Variants in XYLB observed in about 807,000 individuals in gnomAD.
XYLB encodes the protein xylulose kinase.
Under a neutral mutation model 78.7 loss-of-function variants are expected in XYLB, and 62 were observed. The ratio of observed to expected loss-of-function variants is 0.79; its 90% CI spans 0.64 to 0.97. The LOEUF (loss-of-function observed/expected upper bound fraction) is 0.97, where lower values mean the gene tolerates loss of function less well. Ranked by LOEUF, XYLB falls within the 50% of genes least tolerant of loss-of-function variation. The probability of loss-of-function intolerance (pLI) is 0.00; values close to 1 mark genes in which losing one functional copy is unlikely to be tolerated. For missense variants in XYLB, 687 were observed against 676.8 expected (o/e 1.02, Z -0.17); for synonymous variants, 245 against 247.4 (o/e 0.99, Z 0.09).
At chr3:38,408,163 A>T (rs1708412398) in intron 18 of XYLB, among the ~76,000 whole-genome samples, 1 of 151,788 alleles carries the variant, frequency 6.6e-6, no homozygotes, top group Admixed American at 6.6e-5. Context: ...ACGTAAAAGA[A>T]CAGAAATTAT....
chr3:38,374,446 C>A lies in XYLB; in HGVS notation c.848-16C>A. The A allele has an allele frequency of 6.2e-7, 1 of 1,614,038 alleles. No homozygotes were observed. The highest frequency in any genetic ancestry group is 1.6e-4 in the Middle Eastern group (1 of 6,062). On this transcript the variant is annotated splice_polypyrimidine_tract_variant and intron_variant, in intron 10 of 18. Transcript: ENST00000207870. ...TGTGGCCGCCAGCTAACCAGAAGCT[C>A]CCCTCCCATTCTCAGCGTCGCTGGC...
At chr3:38,398,852 G>A (rs1247942787) in intron 17 of XYLB, among the ~76,000 whole-genome samples, 6 of 149,476 alleles carry the variant, frequency 4.0e-5, no homozygotes, top group East Asian at 4.0e-4. Context: ...GTGAAACCCC[G>A]TCTCTACTAA....
chr3:38,360,611 A>G (rs1705915406), intron 3 of XYLB, among the ~76,000 whole-genome samples: 1 of 152,246 alleles, frequency 6.6e-6, no homozygotes, highest in Non-Finnish European at 1.5e-5. Flanking sequence ...GAGGACTTAC[A>G]AAAAACTTCC....
chr3:38,348,548 AG>A lies in XYLB; in HGVS notation c.58del, dbSNP rs1287098414. On this transcript the variant is annotated splice_acceptor_variant, in intron 1 of 18. Coordinates refer to ENST00000207870, the MANE Select transcript of XYLB (RefSeq NM_005108.4). LOFTEE classifies it high-confidence loss of function. ...CACTTCCTTTTTTAAAATGCCTTTC[AG>A]GTAAAGGTTGTTGCTGTTGATGCAG... 1 of 1,613,928 alleles carries A rather than the reference AG, an allele frequency of 6.2e-7. No homozygotes were observed. The highest frequency in any genetic ancestry group is 8.5e-7 in the Non-Finnish European group (1 of 1,179,938).
At chr3:38,409,748 C>G (rs1326552591) in intron 18 of XYLB, among the ~76,000 whole-genome samples, 1 of 152,108 alleles carries the variant, frequency 6.6e-6, no homozygotes, top group Non-Finnish European at 1.5e-5. Flanking sequence ...CAAGAAGAGA[C>G]AGAGAGCCAA....
intron 1 of XYLB, among the ~76,000 whole-genome samples, chr3:38,348,218 C>G (rs1705173303): frequency 6.6e-6 from 1 of 152,334 alleles, no homozygotes; most frequent in African/African-American, 2.4e-5. Context: ...CTGGCACTTT[C>G]TCCCGCCTCC....
chr3:38,438,608 G>A, the XYLB span, among the ~76,000 whole-genome samples: 1 of 152,234 alleles, frequency 6.6e-6, no homozygotes, highest in South Asian at 2.1e-4. Context: ...TAAGAATGAA[G>A]CTGCGGACCT....
the XYLB span, among the ~76,000 whole-genome samples, chr3:38,436,895 T>C: frequency 6.6e-6 from 1 of 151,448 alleles, no homozygotes; most frequent in African/African-American, 2.4e-5. Context: ...TCCCAGCTAC[T>C]TGGGAGGCTG....
At chr3:38,437,097 T>C in the XYLB span, among the ~76,000 whole-genome samples, 5 of 147,500 alleles carry the variant, frequency 3.4e-5, no homozygotes, top group African/African-American at 1.2e-4. Context: ...ATAAAAGGGG[T>C]GCAAGGATGG....
chr3:38,377,899 T>C (rs1706944489), intron 14 of XYLB, among the ~76,000 whole-genome samples: 1 of 152,196 alleles, frequency 6.6e-6, no homozygotes, highest in Non-Finnish European at 1.5e-5. Flanking sequence ...GCTGCTGTTT[T>C]CTTTCTCCTC....
chr3:38,445,605 A>C, the XYLB span, among the ~76,000 whole-genome samples: 1 of 152,228 alleles, frequency 6.6e-6, no homozygotes, highest in Non-Finnish European at 1.5e-5. Flanking sequence ...CTACATGGTC[A>C]ACCAACATTT....
At chr3:38,359,659 CAG>C (rs1705862228) in intron 2 of XYLB, among the ~76,000 whole-genome samples, 2 of 152,194 alleles carry the variant, frequency 1.3e-5, no homozygotes, top group Admixed American at 1.3e-4. Context: ...GGGTTGACTC[CAG>C]TTAATTATTA....
intron 2 of XYLB, among the ~76,000 whole-genome samples, chr3:38,352,695 G>C (rs965640015): frequency 1.2e-4 from 18 of 152,190 alleles, no homozygotes; most frequent in African/African-American, 4.3e-4. Context: ...TCTAGTCCCA[G>C]CTACACAGGA....
chr3:38,363,306 T>C (rs951201860), intron 4 of XYLB, among the ~76,000 whole-genome samples: 4 of 152,208 alleles, frequency 2.6e-5, no homozygotes, highest in Non-Finnish European at 5.9e-5. Flanking sequence ...GCAATTGACA[T>C]GAATTTATTA....
chr3:38,426,880 G>A, the XYLB span, among the ~76,000 whole-genome samples: 2 of 152,160 alleles, frequency 1.3e-5, no homozygotes, highest in South Asian at 4.1e-4. Context: ...AAAGTTGTTG[G>A]TTTACTAGAG....
At chr3:38,379,507 A>G (rs1294066566) in intron 15 of XYLB, among the ~76,000 whole-genome samples, 165 bp downstream of exon 15, 2 of 152,168 alleles carry the variant, frequency 1.3e-5, no homozygotes, top group African/African-American at 4.8e-5. Context: ...GAAAGTGTCA[A>G]TTGGCACTTG....
chr3:38,352,235 G>A (rs572640864), intron 2 of XYLB, among the ~76,000 whole-genome samples: 1 of 151,278 alleles, frequency 6.6e-6, no homozygotes, highest in Admixed American at 6.6e-5. Context: ...GACAGAGTCT[G>A]GCTCTGTCGC....
At chr3:38,370,926 G>A (rs73825546) in intron 9 of XYLB, among the ~76,000 whole-genome samples, 103 of 152,192 alleles carry the variant, frequency 6.8e-4, no homozygotes, top group African/African-American at 2.4e-3. Context: ...GGGCCCTTTG[G>A]TGGGAAATGC....
Position 38,400,906 on chromosome 3 carries a change from C to T in XYLB, c.1454C>T (p.Thr485Ile), listed in dbSNP as rs146998254. The T allele has an allele frequency of 1.0e-3, 1,623 of 1,614,046 alleles. No individual in the cohort carries two copies. The highest frequency in any genetic ancestry group is 1.2e-3 in the Non-Finnish European group (1,405 of 1,179,968). ...TCCCTTCTAGGTCTTGCAGGTGGAA[C>T]AGATGTGCCCTTTTCAGAGGTTGTG... The part of the protein sequence containing the change: ...YRAFHGLAGG[T>I]DVPFSEVVKL... The change falls in exon 18 of 19, where the codon ACA becomes ATA. Residue 485 changes from threonine to isoleucine, a missense_variant. Physicochemically the swap from Thr to Ile is moderately conservative, Grantham distance 89 (BLOSUM62 -1). Transcript: ENST00000207870.
Sources: gnomAD v4.1 joint callset for allele counts (sites outside exome capture counted in the v4.1 genomes callset) on GRCh38, gnomAD v4.1.1 for gene constraint, MANE v1.5 for transcripts, NCBI Gene and HGNC (gene_info 2026-07-23, HGNC 2026-07-21) for gene names.